Variants in PPM1L observed in about 807,000 individuals in gnomAD.
The protein encoded by PPM1L is protein phosphatase 1L.
A neutral mutation model predicts 31.4 loss-of-function variants in PPM1L; 13 were observed. That is an observed-to-expected ratio of 0.41 (90% CI 0.27 to 0.66). The LOEUF is 0.66. Among genes scored for constraint, PPM1L ranks in the 30% least tolerant of loss-of-function variants. The probability of loss-of-function intolerance (pLI) is 0.29; values close to 1 mark genes in which losing one functional copy is unlikely to be tolerated. For synonymous variants in PPM1L, 184 were observed against 175.4 expected, an observed-to-expected ratio of 1.05 and a Z score of -0.39; for missense variants, 326 against 453.7, an observed-to-expected ratio of 0.72 and a Z score of 2.56.
intron 1 of PPM1L, among the ~76,000 whole-genome samples, chr3:160,909,188 T>G (rs554600454): frequency 1.3e-5 from 2 of 152,058 alleles, no homozygotes; most frequent in Non-Finnish European, 2.9e-5. Context: ...TGGAAGAGAA[T>G]GGGGCAGAGA....
At chr3:160,941,108 C>T (rs1715148875) in intron 1 of PPM1L, among the ~76,000 whole-genome samples, 2 of 152,154 alleles carry the variant, frequency 1.3e-5, no homozygotes, top group African/African-American at 4.8e-5. Flanking sequence ...TCTGTAACCC[C>T]TTTGTTTTGG....
intron 1 of PPM1L, among the ~76,000 whole-genome samples, chr3:160,854,895 A>G (rs1310106840): frequency 1.3e-5 from 2 of 148,804 alleles, no homozygotes; most frequent in Non-Finnish European, 3.0e-5. Context: ...AAAAAAAAAA[A>G]AAGAGTCCGA....
chr3:161,063,006 T>C (rs1719620274), intron 2 of PPM1L, among the ~76,000 whole-genome samples: 1 of 152,156 alleles, frequency 6.6e-6, no homozygotes, highest in South Asian at 2.1e-4. Flanking sequence ...GAGAGTCCTA[T>C]AGAGAGAGGA....
At chr3:161,014,330 A>G (rs535163954) in intron 2 of PPM1L, among the ~76,000 whole-genome samples, 17 of 152,160 alleles carry the variant, frequency 1.1e-4, no homozygotes, top group Non-Finnish European at 2.4e-4. Flanking sequence ...CAAATACAAT[A>G]TATCATTTAA....
At chr3:160,791,117 C>T (rs2108072947) in intron 1 of PPM1L, among the ~76,000 whole-genome samples, 1 of 152,188 alleles carries the variant, frequency 6.6e-6, no homozygotes, top group East Asian at 1.9e-4. Flanking sequence ...TCTGGTCTCT[C>T]ACTAGTTTTA....
At chr3:160,911,891 G>A (rs998277945) in intron 1 of PPM1L, among the ~76,000 whole-genome samples, 4 of 152,170 alleles carry the variant, frequency 2.6e-5, no homozygotes, top group African/African-American at 9.7e-5. Flanking sequence ...CAATTCATCT[G>A]CTTCTCGGAG....
At chr3:160,920,607 T>A (rs1714357406) in intron 1 of PPM1L, among the ~76,000 whole-genome samples, 2 of 90,332 alleles carry the variant, frequency 2.2e-5, no homozygotes, top group African/African-American at 8.8e-5. Context: ...TCTCTCTCTC[T>A]CTCTCTCTCA....
Position 161,071,120 on chromosome 3 carries a change from A to G in PPM1L, c.*1963A>G, listed in dbSNP as rs1000666234. 1.3e-5 allele frequency: 2 copies of G among 152,216 alleles called. No individual in the cohort carries two copies. Among genetic ancestry groups the G allele is most frequent in the Non-Finnish European group, 2.9e-5 (2 of 68,070 alleles). 9.4% of individuals were successfully genotyped at this position (152,216 alleles called of 1,614,324 possible). A position where few individuals can be genotyped will look rare whatever the true frequency, so the allele number is the denominator to read the frequency against. The stretch of plus-strand genomic sequence containing the variant: ...GGTGGGGACAGGGAAGGGAATGTGG[A>G]AAACAAATGCTGGCTGTGAGCAGTG... On this transcript the variant is annotated 3_prime_UTR_variant, in exon 4 of 4. Transcript: ENST00000498165.
At chr3:160,878,432 A>G (rs1712591036) in intron 1 of PPM1L, among the ~76,000 whole-genome samples, 1 of 152,164 alleles carries the variant, frequency 6.6e-6, no homozygotes, top group Non-Finnish European at 1.5e-5. Flanking sequence ...CCCTTTTCCT[A>G]GCTTGCGGAT....
chr3:161,075,829 T>C lies in PPM1L; in HGVS notation c.*6672T>C, dbSNP rs1208235450. 2 of 152,198 alleles carry C rather than the reference T, an allele frequency of 1.3e-5. No individual in the cohort carries two copies. Among genetic ancestry groups the C allele is most frequent in the African/African-American group, 2.4e-5 (1 of 41,450 alleles). The allele number at this position is 152,198 out of a possible 1,614,324, so 9.4% of individuals were successfully genotyped here. On this transcript the variant is annotated 3_prime_UTR_variant, in exon 4 of 4. Transcript: ENST00000498165. ...TCAGTTATTTGCGAAGTTAGTAAAATTGCAGTCCCTATTCCATTTTTTTCT... is the reference window on the plus strand; with the variant it reads ...TCAGTTATTTGCGAAGTTAGTAAAACTGCAGTCCCTATTCCATTTTTTTCT...
chr3:161,033,193 G>A (rs1576795724), intron 2 of PPM1L, among the ~76,000 whole-genome samples: 1 of 152,166 alleles, frequency 6.6e-6, no homozygotes, highest in South Asian at 2.1e-4. Flanking sequence ...AATAAGAGAG[G>A]ACACAAACAA....
At chr3:161,006,150 A>G (rs1717697244) in intron 2 of PPM1L, among the ~76,000 whole-genome samples, 1 of 152,260 alleles carries the variant, frequency 6.6e-6, no homozygotes, top group African/African-American at 2.4e-5. Context: ...TGATATATAC[A>G]TACAATGGAA....
At chr3:160,825,090 T>G (rs1713313933) in intron 1 of PPM1L, among the ~76,000 whole-genome samples, 1 of 152,174 alleles carries the variant, frequency 6.6e-6, no homozygotes, top group Admixed American at 6.5e-5. Flanking sequence ...CAGCCACGTG[T>G]AACATCCTTA....
At chr3:161,029,739 ACCCTTAATATACACAGC>A in intron 2 of PPM1L, among the ~76,000 whole-genome samples, 1 of 151,914 alleles carries the variant, frequency 6.6e-6, no homozygotes, top group Admixed American at 6.6e-5. Context: ...CTCTACTGTC[ACCCTTAATATACACAGC>A]CCCATAGAAT....
intron 2 of PPM1L, among the ~76,000 whole-genome samples, chr3:161,005,294 A>G (rs1717667122): frequency 6.6e-6 from 1 of 152,178 alleles, no homozygotes; most frequent in African/African-American, 2.4e-5. Context: ...CACCCAGGAA[A>G]TATTTCTTGA....
intron 2 of PPM1L, among the ~76,000 whole-genome samples, chr3:161,010,375 A>G (rs569665738): frequency 6.6e-6 from 1 of 152,308 alleles, no homozygotes; most frequent in African/African-American, 2.4e-5. Context: ...ATGGCTGCAT[A>G]GTATTCCATG....
chr3:160,845,838 G>A (rs1714058964), intron 1 of PPM1L, among the ~76,000 whole-genome samples: 1 of 151,958 alleles, frequency 6.6e-6, no homozygotes, highest in Non-Finnish European at 1.5e-5. Flanking sequence ...AAAAATTTAA[G>A]TGCCCTATAT....
intron 1 of PPM1L, among the ~76,000 whole-genome samples, chr3:160,803,604 T>C (rs992973097): frequency 4.6e-5 from 7 of 151,630 alleles, no homozygotes; most frequent in African/African-American, 1.7e-4. Context: ...GATAAAACAA[T>C]GAAAAGTGTT....
intron 2 of PPM1L, among the ~76,000 whole-genome samples, chr3:161,029,638 A>G (rs1367800694): frequency 6.6e-6 from 1 of 152,152 alleles, no homozygotes; most frequent in Non-Finnish European, 1.5e-5. Context: ...GAAAACCTTA[A>G]TCTATTTCCA....
Sources: gnomAD v4.1 joint callset for allele counts (sites outside exome capture counted in the v4.1 genomes callset) on GRCh38, gnomAD v4.1.1 for gene constraint, MANE v1.5 for transcripts, NCBI Gene and HGNC (gene_info 2026-07-23, HGNC 2026-07-21) for gene names.